NLRP11: variants seen among roughly 807,000 people sequenced by gnomAD.
The protein encoded by NLRP11 is NLR family pyrin domain containing 11.
NLRP11 carries 53 observed loss-of-function variants against 79.3 expected under a neutral mutation model. The observed-to-expected ratio is 0.67, with a 90% CI of 0.54 to 0.84. The LOEUF (loss-of-function observed/expected upper bound fraction) is 0.84, where lower values mean the gene tolerates loss of function less well. NLRP11 is among the 40% of genes least tolerant of loss of function. NLRP11 has a pLI of 0.00. For missense variants in NLRP11, 1,264 were observed against 1,255.0 expected (o/e 1.01, Z -0.11); for synonymous variants, 518 against 462.6 (o/e 1.12, Z -1.54).
intron 1 of NLRP11, among the ~76,000 whole-genome samples, chr19:55,831,720 A>G (rs1004271588): frequency 4.6e-5 from 7 of 150,944 alleles, no homozygotes; most frequent in Non-Finnish European, 8.8e-5. Flanking sequence ...CACACACTAC[A>G]TGCAATTTTA....
chr19:55,833,521 TTTGG>T (rs1266091615), upstream of NLRP11, among the ~76,000 whole-genome samples: 1 of 151,756 alleles, frequency 6.6e-6, no homozygotes, highest in Non-Finnish European at 1.5e-5. Context: ...ATCCCAGCAC[TTTGG>T]GAGGCTGAAG....
chr19:55,827,288 G>A (rs960051551), intron 1 of NLRP11, among the ~76,000 whole-genome samples: 4 of 146,204 alleles, frequency 2.7e-5, no homozygotes, highest in African/African-American at 5.2e-5. Flanking sequence ...AGATTTAAAC[G>A]TTAGACCTAA....
intron 2 of NLRP11, among the ~76,000 whole-genome samples, chr19:55,810,757 C>A (rs1980530078): frequency 6.6e-6 from 1 of 152,168 alleles, no homozygotes; most frequent in African/African-American, 2.4e-5. Context: ...CTTGGCTTCC[C>A]AATGTGCTGG....
At chr19:55,785,753 C>A (rs972671262) in exon 10 of NLRP11, 5 of 1,614,112 alleles carry the variant, frequency 3.1e-6, no homozygotes, top group Non-Finnish European at 4.2e-6. Context: ...GGTGTCACAC[C>A]AATTTCTCTG....
intron 1 of NLRP11, among the ~76,000 whole-genome samples, chr19:55,822,172 G>A (rs976745294): frequency 6.6e-6 from 1 of 152,186 alleles, no homozygotes; most frequent in East Asian, 1.9e-4. Flanking sequence ...GCTGAGACAG[G>A]AGAATCACTT....
chr19:55,798,560 G>A (rs1481590034), intron 5 of NLRP11, among the ~76,000 whole-genome samples: 1 of 152,074 alleles, frequency 6.6e-6, no homozygotes, highest in East Asian at 1.9e-4. Context: ...TATCTATGAG[G>A]TACTAGGCTT....
intron 5 of NLRP11, among the ~76,000 whole-genome samples, chr19:55,798,721 T>C (rs912535781): frequency 1.4e-5 from 2 of 142,102 alleles, no homozygotes; most frequent in Admixed American, 1.5e-4. Flanking sequence ...AAAATAAAGC[T>C]ATGTTTTGCT....
chr19:55,796,776 T>C (rs1978942353), intron 5 of NLRP11, among the ~76,000 whole-genome samples: 1 of 151,796 alleles, frequency 6.6e-6, no homozygotes, highest in Non-Finnish European at 1.5e-5. Context: ...AACCTCTGCC[T>C]CCCGGGTTTT....
At chr19:55,818,021 GTTC>G in exon 2 of NLRP11, 3 of 1,614,020 alleles carry the variant, frequency 1.9e-6, no homozygotes, top group Non-Finnish European at 2.5e-6. Flanking sequence ...ACGTTAGCCA[GTTC>G]TTCTTTTGTC....
intron 5 of NLRP11, among the ~76,000 whole-genome samples, chr19:55,799,285 A>G (rs970458975): frequency 6.6e-6 from 1 of 152,186 alleles, no homozygotes; most frequent in Non-Finnish European, 1.5e-5. Context: ...ATCAAAGTTG[A>G]TATCTCTACA....
At chr19:55,814,953 T>A (rs937353678) in intron 2 of NLRP11, among the ~76,000 whole-genome samples, 6 of 152,166 alleles carry the variant, frequency 3.9e-5, no homozygotes, top group Non-Finnish European at 8.8e-5. Flanking sequence ...TATTTTACAG[T>A]GTATATCAAA....
At chr19:55,814,805 A>G (rs987232792) in intron 2 of NLRP11, among the ~76,000 whole-genome samples, 5 of 152,204 alleles carry the variant, frequency 3.3e-5, no homozygotes, top group Admixed American at 1.3e-4. Context: ...GACACACGGG[A>G]TTCATCAAGG....
At chr19:55,814,856 C>T (rs1404394595) in intron 2 of NLRP11, among the ~76,000 whole-genome samples, 7 of 152,124 alleles carry the variant, frequency 4.6e-5, no homozygotes, top group African/African-American at 7.2e-5. Flanking sequence ...TGAGACAGGA[C>T]AGCCACCAGC....
At chr19:55,834,282 C>T (rs1368118304), upstream of NLRP11, among the ~76,000 whole-genome samples, 4 of 152,020 alleles carry the variant, frequency 2.6e-5, no homozygotes, top group Non-Finnish European at 5.9e-5. Flanking sequence ...AAAGGTAAAG[C>T]ACTTCTTCAT....
intron 1 of NLRP11, among the ~76,000 whole-genome samples, chr19:55,822,442 A>G (rs971175393): frequency 6.6e-6 from 1 of 152,212 alleles, no homozygotes; most frequent in African/African-American, 2.4e-5. Flanking sequence ...GCTCCGGTCT[A>G]CAGCTCCCAG....
upstream of NLRP11, chr19:55,832,693 AT>A (rs1158314038): frequency 1.3e-4 from 20 of 152,372 alleles, no homozygotes; most frequent in African/African-American, 4.8e-4. Flanking sequence ...AAAAGAGTCT[AT>A]ATCTATTCAT....
chr19:55,789,046 G>C (rs1485486912), intron 8 of NLRP11, 69 bp from the exon 9 acceptor site: 3 of 1,545,436 alleles, frequency 1.9e-6, no homozygotes, highest in Non-Finnish European at 2.7e-6. Flanking sequence ...AGATGGGTGA[G>C]AACTGGACAT....
chr19:55,833,949 GA>G (rs201764872), upstream of NLRP11, among the ~76,000 whole-genome samples: 8,679 of 137,086 alleles, frequency 0.063, 445 homozygotes, highest in African/African-American at 0.14. Context: ...GTATTTAAAT[GA>G]AAAAAAAAAA....
intron 1 of NLRP11, among the ~76,000 whole-genome samples, chr19:55,822,827 G>A (rs941054539): frequency 6.6e-6 from 1 of 152,140 alleles, no homozygotes; most frequent in Non-Finnish European, 1.5e-5. Flanking sequence ...GCGGCAGCTA[G>A]GCTGGGGGAG....
Sources: gnomAD v4.1 joint callset for allele counts (sites outside exome capture counted in the v4.1 genomes callset) on GRCh38, gnomAD v4.1.1 for gene constraint, MANE v1.5 for transcripts, NCBI Gene and HGNC (gene_info 2026-07-23, HGNC 2026-07-21) for gene names.